PKP4: variants seen among roughly 807,000 people sequenced by gnomAD.
PKP4 encodes plakophilin 4, also known as plakophilin-4.
PKP4 carries 90 observed loss-of-function variants against 145.1 expected under a neutral mutation model. The ratio of observed to expected loss-of-function variants is 0.62; its 90% CI spans 0.52 to 0.74. PKP4 has a LOEUF of 0.74. PKP4 is among the 30% of genes least tolerant of loss of function. The pLI is 0.00. For synonymous variants in PKP4, 563 were observed against 577.2 expected, an observed-to-expected ratio of 0.98 and a Z score of 0.35; for missense variants, 1,340 against 1,482.7, an observed-to-expected ratio of 0.90 and a Z score of 1.58.
chr2:158,551,481 T>C (rs1417899568), intron 2 of PKP4, among the ~76,000 whole-genome samples: 1 of 152,160 alleles, frequency 6.6e-6, no homozygotes, highest in Non-Finnish European at 1.5e-5. Flanking sequence ...TGGTATTCAA[T>C]CACCCTCGCC....
At chr2:158,539,462 C>T (rs2044331562) in intron 2 of PKP4, among the ~76,000 whole-genome samples, 5 of 152,198 alleles carry the variant, frequency 3.3e-5, no homozygotes, top group Admixed American at 3.3e-4. Context: ...CTCTCTGACA[C>T]ACCTCAGCCA....
intron 9 of PKP4, 24 bp downstream of exon 9, chr2:158,634,313 A>G: frequency 2.5e-6 from 4 of 1,588,086 alleles, no homozygotes; most frequent in Non-Finnish European, 2.6e-6. Flanking sequence ...AGGAGTCTCT[A>G]GAAGGCTACA....
At chr2:158,574,208 G>A (rs2047651206) in intron 2 of PKP4, among the ~76,000 whole-genome samples, 1 of 152,186 alleles carries the variant, frequency 6.6e-6, no homozygotes, top group African/African-American at 2.4e-5. Flanking sequence ...AAGTCGTGTG[G>A]TATTGTTTGC....
intron 16 of PKP4, among the ~76,000 whole-genome samples, chr2:158,667,583 G>A (rs181753882): frequency 6.0e-4 from 92 of 152,322 alleles, no homozygotes; most frequent in African/African-American, 2.0e-3. Flanking sequence ...AAACAAGGGC[G>A]ATGATGTTTA....
intron 3 of PKP4, among the ~76,000 whole-genome samples, chr2:158,592,958 A>G (rs2049402026): frequency 6.6e-6 from 1 of 152,202 alleles, no homozygotes; most frequent in South Asian, 2.1e-4. Flanking sequence ...CCAGTCTCAC[A>G]TAGAACAAAT....
At chr2:158,514,448 A>C (rs1237489088) in intron 1 of PKP4, among the ~76,000 whole-genome samples, 1 of 152,204 alleles carries the variant, frequency 6.6e-6, no homozygotes, top group Non-Finnish European at 1.5e-5. Context: ...TGTCTCCTTG[A>C]AAACGAAATA....
At chr2:158,475,327 A>G (rs1317098405) in intron 1 of PKP4, among the ~76,000 whole-genome samples, 2 of 152,190 alleles carry the variant, frequency 1.3e-5, no homozygotes, top group Non-Finnish European at 2.9e-5. Flanking sequence ...AAAAGTCATG[A>G]AACTGATTCA....
intron 2 of PKP4, among the ~76,000 whole-genome samples, chr2:158,556,889 A>G (rs1225448793): frequency 6.6e-6 from 1 of 152,170 alleles, no homozygotes; most frequent in African/African-American, 2.4e-5. Flanking sequence ...ACTTAGGCTT[A>G]TATTATTTTT....
intron 11 of PKP4, among the ~76,000 whole-genome samples, chr2:158,649,526 C>T (rs1478964738): frequency 6.6e-6 from 1 of 152,200 alleles, no homozygotes; most frequent in Non-Finnish European, 1.5e-5. Context: ...CATAAAGCTT[C>T]AGTTTGCTTA....
At chr2:158,457,321 CGGG>C in intron 1 of PKP4, 103 bp downstream of exon 1, 1 of 151,482 alleles carries the variant, frequency 6.6e-6, no homozygotes, top group African/African-American at 2.4e-5. Flanking sequence ...CGCCGGGGGC[CGGG>C]GGCCTCCCTC....
At chr2:158,675,848 G>T (rs1418910531) in intron 19 of PKP4, among the ~76,000 whole-genome samples, 1 of 152,174 alleles carries the variant, frequency 6.6e-6, no homozygotes, top group Non-Finnish European at 1.5e-5. Flanking sequence ...GTCAATTTAT[G>T]CAAAACCACT....
At chr2:158,465,368 A>G (rs1162472253) in intron 1 of PKP4, among the ~76,000 whole-genome samples, 2 of 152,216 alleles carry the variant, frequency 1.3e-5, no homozygotes, top group African/African-American at 4.8e-5. Flanking sequence ...TAGTGATTTC[A>G]AAATAAGTTT....
chr2:158,669,919 A>C lies in PKP4; in HGVS notation c.2924+4A>C. The C allele has an allele frequency of 6.2e-7, 1 of 1,606,124 alleles. No homozygotes were observed. The highest frequency in any genetic ancestry group is 8.5e-7 in the Non-Finnish European group (1 of 1,174,838). The stretch of plus-strand genomic sequence containing the variant: ...TAACCAAAGGCAGGGGCGACAGGCA[A>C]GTCTGCGGCAAGGAGGTGCAAGCAG... On this transcript the variant is annotated splice_donor_region_variant and intron_variant, in intron 17 of 21. Transcript: ENST00000389759.
Position 158,674,063 on chromosome 2 carries a change from C to T in PKP4, c.3127+63C>T, listed in dbSNP as rs1395423085. ...GTGTGACAGAACATTGTTCCCCAGCCAGAGAAGATCAAACATAAGCTGGTT... is the reference window on the plus strand; with the variant it reads ...GTGTGACAGAACATTGTTCCCCAGCTAGAGAAGATCAAACATAAGCTGGTT... On this transcript the variant is annotated intron_variant, in intron 19 of 21. Transcript: ENST00000389759. 13 of 915,160 alleles carry T rather than the reference C, an allele frequency of 1.4e-5. No homozygotes were observed. The Admixed American group carries it at 2.2e-4, about 15-fold the overall frequency. The allele number at this position is 915,160 out of a possible 1,614,324, so 56.7% of individuals were successfully genotyped here. A position where few individuals can be genotyped will look rare whatever the true frequency, so the allele number is the denominator to read the frequency against.
intron 3 of PKP4, among the ~76,000 whole-genome samples, chr2:158,600,833 A>G (rs1409458214): frequency 1.3e-5 from 2 of 152,072 alleles, no homozygotes; most frequent in Non-Finnish European, 2.9e-5. Flanking sequence ...CTAATGATTT[A>G]TATATGGTAC....
rs1558899135 is a variant in PKP4, at chr2:158,621,134, A to G, written c.412+13A>G. On this transcript the variant is annotated intron_variant, in intron 5 of 21. Transcript: ENST00000389759. ...CATGAAAGTGAGGGTCTGTTGTGTT[A>G]TCTTTTAAGTACTGGATTTGCTTTT... 3 of 1,614,146 alleles carry G rather than the reference A, an allele frequency of 1.9e-6. No individual in the cohort carries two copies. In the African/African-American group the frequency reaches 4.0e-5, roughly 22 times the overall value.
chr2:158,607,782 C>T (rs2105861887), intron 4 of PKP4, among the ~76,000 whole-genome samples: 1 of 152,190 alleles, frequency 6.6e-6, no homozygotes, highest in East Asian at 1.9e-4. Context: ...GCAGACACTG[C>T]ATATAATCAT....
At chr2:158,671,350 A>G (rs775132683) in intron 17 of PKP4, among the ~76,000 whole-genome samples, 6 of 140,104 alleles carry the variant, frequency 4.3e-5, no homozygotes, top group Non-Finnish European at 9.3e-5. Context: ...ATTTTTTTCT[A>G]TTTAATTAGT....
chr2:158,479,120 T>G (rs1033208393), intron 1 of PKP4, among the ~76,000 whole-genome samples: 1 of 152,198 alleles, frequency 6.6e-6, no homozygotes, highest in Non-Finnish European at 1.5e-5. Flanking sequence ...AGGAGTTACC[T>G]AAGTAGTATT....
Sources: gnomAD v4.1 joint callset for allele counts (sites outside exome capture counted in the v4.1 genomes callset) on GRCh38, gnomAD v4.1.1 for gene constraint, MANE v1.5 for transcripts, NCBI Gene and HGNC (gene_info 2026-07-23, HGNC 2026-07-21) for gene names.